RABGAP1L: variants seen among roughly 807,000 people sequenced by gnomAD.
The protein encoded by RABGAP1L is rab GTPase-activating protein 1-like.
A neutral mutation model predicts 137.7 loss-of-function variants in RABGAP1L; 63 were observed. The ratio of observed to expected loss-of-function variants is 0.46; its 90% CI spans 0.37 to 0.56. The LOEUF (loss-of-function observed/expected upper bound fraction) is 0.56, where lower values mean the gene tolerates loss of function less well. Ranked by LOEUF, RABGAP1L falls within the 20% of genes least tolerant of loss-of-function variation. The pLI is 0.00. For synonymous variants in RABGAP1L, 431 were observed against 433.7 expected, an observed-to-expected ratio of 0.99 and a Z score of 0.08; for missense variants, 1,095 against 1,244.0, an observed-to-expected ratio of 0.88 and a Z score of 1.80.
intron 13 of RABGAP1L, among the ~76,000 whole-genome samples, chr1:174,589,949 C>T (rs1669435734): frequency 6.6e-6 from 1 of 152,046 alleles, no homozygotes; most frequent in African/African-American, 2.4e-5. Flanking sequence ...CCAGGTCTTT[C>T]ATGGGTTCCA....
intron 13 of RABGAP1L, among the ~76,000 whole-genome samples, chr1:174,552,554 GAAAGAATGAGATAAA>G (rs1343348030): frequency 1.3e-5 from 2 of 151,874 alleles, no homozygotes; most frequent in African/African-American, 4.8e-5. Context: ...GTACACCATG[GAAAGAATGAGATAAA>G]AAAGAATGAG....
At chr1:174,645,686 C>T (rs1344647782) in intron 14 of RABGAP1L, among the ~76,000 whole-genome samples, 1 of 152,074 alleles carries the variant, frequency 6.6e-6, no homozygotes, top group East Asian at 1.9e-4. Flanking sequence ...CATATGTATG[C>T]ATGTGTCTTT....
At chr1:174,476,740 G>A (rs1039299318) in intron 13 of RABGAP1L, among the ~76,000 whole-genome samples, 1 of 152,172 alleles carries the variant, frequency 6.6e-6, no homozygotes, top group African/African-American at 2.4e-5. Context: ...TTCCAAAGCG[G>A]TATCTATCTC....
chr1:174,405,394 C>T (rs530676429), intron 13 of RABGAP1L, among the ~76,000 whole-genome samples: 1 of 152,040 alleles, frequency 6.6e-6, no homozygotes, highest in Non-Finnish European at 1.5e-5. Flanking sequence ...TATATGGCTG[C>T]TCTGTTCTCT....
At position 174,756,659 on chromosome 1, in the gene RABGAP1L, C is replaced by T. The variant is rs114361207; in HGVS notation, c.2211+4305C>T. ...GGAAGTAGCAGGGGAAAAAGGAAGG[C>T]GGAGGCATGCAAGAGTGAGAATCCA... On this transcript the variant is annotated intron_variant, in intron 18 of 25. Transcript: ENST00000681986. Among the ~76,000 whole-genome samples the T allele has an allele frequency of 6.7e-3, 1,024 of 151,980 alleles. 9 individuals are homozygous for T. Among genetic ancestry groups the T allele is most frequent in the Non-Finnish European group, 0.011 (738 of 67,982 alleles).
intron 7 of RABGAP1L, among the ~76,000 whole-genome samples, chr1:174,269,817 ATACTG>A (rs1272144696): frequency 6.6e-6 from 1 of 152,166 alleles, no homozygotes; most frequent in Non-Finnish European, 1.5e-5. Context: ...CCCCCCCACT[ATACTG>A]TAAACTCCTT....
intron 18 of RABGAP1L, among the ~76,000 whole-genome samples, chr1:174,795,985 C>G (rs1447992111): frequency 6.6e-6 from 1 of 152,262 alleles, no homozygotes; most frequent in East Asian, 1.9e-4. Context: ...TCTTGCTAAC[C>G]TGTATTGTCT....
chr1:174,280,051 GA>G (rs1156471754), intron 10 of RABGAP1L, among the ~76,000 whole-genome samples: 20 of 86,642 alleles, frequency 2.3e-4, no homozygotes, highest in Admixed American at 4.1e-4. Flanking sequence ...TCTGCCTGGA[GA>G]GAGAGAGAGA....
intron 10 of RABGAP1L, among the ~76,000 whole-genome samples, chr1:174,286,218 CTT>C (rs1181748755): frequency 1.3e-5 from 2 of 152,012 alleles, no homozygotes; most frequent in African/African-American, 4.8e-5. Flanking sequence ...TGCTGGGAGA[CTT>C]TTTATTGCTG....
intron 19 of RABGAP1L, among the ~76,000 whole-genome samples, chr1:174,902,904 G>A (rs1658381479): frequency 6.6e-6 from 1 of 152,170 alleles, no homozygotes; most frequent in African/African-American, 2.4e-5. Context: ...GTCTCCATGA[G>A]TGTAATGGAC....
intron 13 of RABGAP1L, chr1:174,548,246 T>C: frequency 7.1e-7 from 1 of 1,399,928 alleles, no homozygotes; most frequent in African/African-American, 1.4e-5. Context: ...CCAAGTAATC[T>C]AAGATTCTGT....
At chr1:174,304,871 C>A in intron 10 of RABGAP1L, 115 bp from the exon 11 acceptor site, 1 of 960,204 alleles carries the variant, frequency 1.0e-6, no homozygotes, top group South Asian at 2.0e-5. Flanking sequence ...TGCTGTAGAT[C>A]AAACACAACA....
At chr1:174,564,898 A>T (rs1386108328) in intron 13 of RABGAP1L, among the ~76,000 whole-genome samples, 1 of 152,136 alleles carries the variant, frequency 6.6e-6, no homozygotes, top group African/African-American at 2.4e-5. Context: ...GCTGTCTTCT[A>T]GTTCCCAAAT....
intron 1 of RABGAP1L, among the ~76,000 whole-genome samples, chr1:174,165,898 A>G (rs996354848): frequency 6.6e-6 from 1 of 152,194 alleles, no homozygotes; most frequent in Non-Finnish European, 1.5e-5. Context: ...CAGGGTGATC[A>G]AAGGCATACA....
intron 13 of RABGAP1L, among the ~76,000 whole-genome samples, chr1:174,403,237 GTGTGTGTGTGTATA>G (rs774673652): frequency 1.8e-4 from 23 of 127,504 alleles, no homozygotes; most frequent in African/African-American, 6.8e-4. Context: ...GTGTGTGTGT[GTGTGTGTGTGTATA>G]TATATGTGTA....
At chr1:174,742,410 G>A (rs919764343) in intron 17 of RABGAP1L, among the ~76,000 whole-genome samples, 3 of 152,102 alleles carry the variant, frequency 2.0e-5, no homozygotes, top group South Asian at 2.1e-4. Flanking sequence ...CCAGCTACTC[G>A]GGAGGCTGAG....
At chr1:174,583,563 G>A (rs1668895252) in intron 13 of RABGAP1L, among the ~76,000 whole-genome samples, 2 of 152,086 alleles carry the variant, frequency 1.3e-5, no homozygotes, top group South Asian at 2.1e-4. Context: ...CTGAGTAGTA[G>A]GTCATAATCA....
intron 13 of RABGAP1L, among the ~76,000 whole-genome samples, chr1:174,474,933 G>A (rs946209837): frequency 5.9e-5 from 9 of 151,874 alleles, no homozygotes; most frequent in African/African-American, 2.2e-4. Flanking sequence ...CTATAAAGCA[G>A]GGAAAGTAAT....
intron 19 of RABGAP1L, among the ~76,000 whole-genome samples, chr1:174,909,243 A>G (rs1659656603): frequency 2.0e-5 from 3 of 149,774 alleles, no homozygotes; most frequent in Non-Finnish European, 3.0e-5. Flanking sequence ...TTTGTTTTTG[A>G]GAGAAGGTCT....
Sources: allele counts gnomAD v4.1 joint callset (sites outside exome capture counted in the v4.1 genomes callset), GRCh38; gene constraint gnomAD v4.1.1; transcripts MANE v1.5; gene names NCBI Gene and HGNC (gene_info 2026-07-23, HGNC 2026-07-21).